CFAP206: variants seen among roughly 807,000 people sequenced by gnomAD.
The protein encoded by CFAP206 is cilia- and flagella-associated protein 206.
CFAP206 carries 53 observed loss-of-function variants against 65.4 expected under a neutral mutation model. The ratio of observed to expected loss-of-function variants is 0.81; its 90% CI spans 0.65 to 1.02. CFAP206 has a LOEUF of 1.02. Ranked by LOEUF, CFAP206 falls within the 50% of genes least tolerant of loss-of-function variation. The probability of loss-of-function intolerance (pLI) is 0.00; values close to 1 mark genes in which losing one functional copy is unlikely to be tolerated. For synonymous variants in CFAP206, 250 were observed against 254.4 expected (o/e 0.98, Z 0.17); for missense variants, 663 against 753.2 (o/e 0.88, Z 1.40).
chr6:87,442,803 T>C (rs1768379416), intron 11 of CFAP206, among the ~76,000 whole-genome samples: 2 of 152,200 alleles, frequency 1.3e-5, no homozygotes, highest in Non-Finnish European at 2.9e-5. Flanking sequence ...TTAAGCCAAC[T>C]TTGCATTCCT....
intron 9 of CFAP206, among the ~76,000 whole-genome samples, chr6:87,430,087 A>G (rs1768130904): frequency 6.6e-6 from 1 of 152,220 alleles, no homozygotes; most frequent in Non-Finnish European, 1.5e-5. Flanking sequence ...ACACTATTAA[A>G]TTACCACTCC....
chr6:87,455,426 G>C (rs956289595), intron 11 of CFAP206, among the ~76,000 whole-genome samples: 1 of 151,828 alleles, frequency 6.6e-6, no homozygotes, highest in Non-Finnish European at 1.5e-5. Context: ...AAGAACCCAA[G>C]CATGCATCTT....
intron 11 of CFAP206, among the ~76,000 whole-genome samples, chr6:87,445,475 C>T (rs1056007182): frequency 9.9e-5 from 15 of 152,036 alleles, no homozygotes; most frequent in Non-Finnish European, 1.6e-4. Flanking sequence ...GCTGTTCCTG[C>T]GTTAGTTTGT....
intron 11 of CFAP206, among the ~76,000 whole-genome samples, chr6:87,453,338 G>T (rs942587060): frequency 2.0e-5 from 3 of 152,126 alleles, no homozygotes; most frequent in African/African-American, 7.2e-5. Context: ...GTTAAAGGGA[G>T]TTCTTCAATC....
intron 11 of CFAP206, among the ~76,000 whole-genome samples, chr6:87,454,855 A>AAAAAC (rs1562010717): frequency 6.7e-6 from 1 of 150,366 alleles, no homozygotes; most frequent in African/African-American, 2.4e-5. Flanking sequence ...AAAAAAAAAA[A>AAAAAC]AAAACAAAAC....
chr6:87,464,042 C>T lies in CFAP206; in HGVS notation c.1661C>T (p.Thr554Ile). The stretch of plus-strand genomic sequence containing the variant: ...TAGGCTAATTTGCGCCAGAAAGTTA[C>T]TCACTCAGTACAAACTGATCTTAGT... ...IKLANLRQKV[T>I]HSVQTDLSHL... Residue 554 changes from threonine to isoleucine, a missense_variant, in exon 13 of 13, where the codon ACT becomes ATT. Transcript: ENST00000369562. The T allele has an allele frequency of 6.2e-7, 1 of 1,611,396 alleles. No homozygotes were observed. The highest frequency in any genetic ancestry group is 8.5e-7 in the Non-Finnish European group (1 of 1,178,096).
chr6:87,424,445 A>C (rs968389128), intron 7 of CFAP206, among the ~76,000 whole-genome samples: 1 of 151,838 alleles, frequency 6.6e-6, no homozygotes, highest in Non-Finnish European at 1.5e-5. Flanking sequence ...CGCCCAGCTA[A>C]TTTTTTTATT....
intron 6 of CFAP206, 142 bp downstream of exon 6, chr6:87,416,969 C>T: frequency 1.4e-6 from 1 of 724,830 alleles, no homozygotes. Flanking sequence ...AGAATAACTA[C>T]TGTTTATAAT....
chr6:87,452,107 C>T (rs532424465), intron 11 of CFAP206, among the ~76,000 whole-genome samples: 15 of 152,234 alleles, frequency 9.9e-5, no homozygotes, highest in African/African-American at 2.9e-4. Flanking sequence ...CTCCAGTTGG[C>T]GCAACATGGG....
intron 8 of CFAP206, among the ~76,000 whole-genome samples, chr6:87,427,436 G>A (rs1364843459): frequency 6.6e-6 from 1 of 152,180 alleles, no homozygotes; most frequent in Non-Finnish European, 1.5e-5. Flanking sequence ...ACTGCGCCCA[G>A]CCTATATGTA....
At chr6:87,418,521 A>T (rs1767877426) in intron 7 of CFAP206, 105 bp downstream of exon 7, 2 of 899,760 alleles carry the variant, frequency 2.2e-6, no homozygotes, top group Admixed American at 2.1e-5. Flanking sequence ...AAACCTCAGT[A>T]ACTGCTCGGT....
intron 7 of CFAP206, among the ~76,000 whole-genome samples, chr6:87,425,295 T>C (rs969941552): frequency 2.0e-5 from 3 of 152,196 alleles, no homozygotes; most frequent in African/African-American, 7.2e-5. Flanking sequence ...TATTTTTCTA[T>C]ATCATCTCCT....
chr6:87,459,485 AT>A (rs1173968830), intron 11 of CFAP206, among the ~76,000 whole-genome samples: 1 of 152,202 alleles, frequency 6.6e-6, no homozygotes, highest in Non-Finnish European at 1.5e-5. Flanking sequence ...ATAAGCAGAT[AT>A]AAAAGTCAAC....
chr6:87,460,992 A>G, intron 11 of CFAP206, 30 bp from the exon 12 acceptor site: 1 of 1,538,376 alleles, frequency 6.5e-7, no homozygotes, highest in Non-Finnish European at 8.7e-7. Flanking sequence ...ATTTTTTACA[A>G]GCACTAACTA....
At chr6:87,439,056 T>TCAA (rs1168547259) in intron 11 of CFAP206, among the ~76,000 whole-genome samples, 1 of 152,226 alleles carries the variant, frequency 6.6e-6, no homozygotes, top group African/African-American at 2.4e-5. Flanking sequence ...CTTTGCCTTT[T>TCAA]AGTTTTCAAA....
chr6:87,439,392 T>C (rs1768328299), intron 11 of CFAP206, among the ~76,000 whole-genome samples: 1 of 152,158 alleles, frequency 6.6e-6, no homozygotes, highest in Admixed American at 6.5e-5. Context: ...TGCCCAATTT[T>C]CTGTTAGTTG....
chr6:87,464,055 A>G lies in CFAP206; in HGVS notation c.1674A>G (p.Gln558=), dbSNP rs1262844774. 3 of 1,613,936 alleles carry G rather than the reference A, an allele frequency of 1.9e-6. No homozygotes were observed. The African/African-American group carries it at 4.0e-5, about 22-fold the overall frequency. Residue 558 remains glutamine, a synonymous_variant, in exon 13 of 13, where the codon CAA becomes CAG. Transcript: ENST00000369562. The part of the protein sequence containing the change: ...NLRQKVTHSV[Q]TDLSHLRREN... ...GCCAGAAAGTTACTCACTCAGTACA[A>G]ACTGATCTTAGTCACTTGAGAAGAG...
intron 6 of CFAP206, among the ~76,000 whole-genome samples, chr6:87,417,849 G>A (rs924382784): frequency 3.4e-5 from 5 of 147,766 alleles, no homozygotes; most frequent in Non-Finnish European, 7.4e-5. Context: ...TCCGCCTCCC[G>A]GGTTCAAGTG....
rs889104082 is a variant in CFAP206 at position 87,428,543 on chromosome 6, C to T, written c.961-83C>T. ...GGAGAATTAACTTCTTTACAAATGACAATTGTATTTATCTTAAAGAGTACA... is the reference window on the plus strand; with the variant it reads ...GGAGAATTAACTTCTTTACAAATGATAATTGTATTTATCTTAAAGAGTACA... On this transcript the variant is annotated intron_variant, in intron 8 of 12. Coordinates refer to ENST00000369562, the MANE Select transcript of CFAP206 (RefSeq NM_001031743.3). 8.4e-6 allele frequency: 11 copies of T among 1,307,298 alleles called. 1 individual carries two copies. The Admixed American group carries it at 1.6e-4, about 19-fold the overall frequency. 81.0% of individuals were successfully genotyped at this position (1,307,298 alleles called of 1,614,324 possible). A position where few individuals can be genotyped will look rare whatever the true frequency, so the allele number is the denominator to read the frequency against.
Sources: gnomAD v4.1 joint callset for allele counts (sites outside exome capture counted in the v4.1 genomes callset) on GRCh38, gnomAD v4.1.1 for gene constraint, MANE v1.5 for transcripts, NCBI Gene and HGNC (gene_info 2026-07-23, HGNC 2026-07-21) for gene names.